Variants in TRHDE observed in about 807,000 individuals in gnomAD.
TRHDE encodes the protein thyrotropin releasing hormone degrading enzyme, also known as thyrotropin-releasing hormone-degrading ectoenzyme.
A neutral mutation model predicts 125.7 loss-of-function variants in TRHDE; 72 were observed. The ratio of observed to expected loss-of-function variants is 0.57; its 90% CI spans 0.47 to 0.70. The LOEUF (loss-of-function observed/expected upper bound fraction) is 0.70. Ranked by LOEUF, TRHDE falls within the 30% of genes least tolerant of loss-of-function variation. TRHDE has a pLI of 0.00. For missense variants in TRHDE, 1,110 were observed against 1,327.1 expected (o/e 0.84, Z 2.54); for synonymous variants, 509 against 509.1 (o/e 1.00, Z 0.00).
chr12:72,619,868 T>C (rs1872971772), intron 13 of TRHDE, among the ~76,000 whole-genome samples: 1 of 152,118 alleles, frequency 6.6e-6, no homozygotes, highest in South Asian at 2.1e-4. Flanking sequence ...AAAAGTGGAT[T>C]CCTGTGACAT....
At position 72,273,244 on chromosome 12, in the gene TRHDE, G is replaced by C. The variant is rs1879327767; in HGVS notation, c.601G>C (p.Ala201Pro). 6.2e-7 allele frequency: 1 copy of C among 1,613,908 alleles called. No homozygotes were observed. Among genetic ancestry groups the C allele is most frequent in the Non-Finnish European group, 8.5e-7 (1 of 1,179,994 alleles). The change falls in exon 1 of 19, where the codon GCC (alanine) becomes CCC (proline). Residue 201 changes from alanine to proline, a missense_variant. By Grantham distance (27) the Ala-to-Pro change is conservative. Around this residue, in one of 5 missense-constraint regions of TRHDE, gnomAD observed 72 missense variants for 122.2 expected, o/e 0.59. Transcript: ENST00000261180. The surrounding 1 kb of genome is among the most constrained non-coding windows in gnomAD (Gnocchi z 5.3). ...KPLHYNLMLTAFMENFTFSGE... is the reference protein window; with the variant it reads ...KPLHYNLMLTPFMENFTFSGE... ...GCTGCACTACAATCTGATGCTCACC[G>C]CCTTCATGGAGAACTTCACCTTCTC...
At chr12:72,300,822 G>A (rs969187624) in intron 2 of TRHDE, among the ~76,000 whole-genome samples, 3 of 151,990 alleles carry the variant, frequency 2.0e-5, no homozygotes, top group Admixed American at 6.6e-5. Context: ...AAAATCAATA[G>A]GTTTTGATGA....
At chr12:72,590,423 G>T (rs915255525) in intron 12 of TRHDE, among the ~76,000 whole-genome samples, 1 of 151,966 alleles carries the variant, frequency 6.6e-6, no homozygotes, top group African/African-American at 2.4e-5. Context: ...ATAAACTGAT[G>T]AGAGAATGGT....
chr12:72,588,965 C>T (rs190784729), intron 12 of TRHDE, among the ~76,000 whole-genome samples: 4 of 152,296 alleles, frequency 2.6e-5, no homozygotes, highest in African/African-American at 4.8e-5. Context: ...ACCATCAGAT[C>T]TCCTGAGAAC....
At chr12:72,154,322 C>A (rs556480812) in intron 2 of TRHDE, among the ~76,000 whole-genome samples, 2 of 152,322 alleles carry the variant, frequency 1.3e-5, no homozygotes, top group African/African-American at 4.8e-5. Flanking sequence ...CTGAATACAG[C>A]ACACTGATGG....
intron 3 of TRHDE, among the ~76,000 whole-genome samples, chr12:72,437,068 C>G (rs778743558): frequency 6.6e-6 from 1 of 151,960 alleles, no homozygotes; most frequent in East Asian, 1.9e-4. Flanking sequence ...AGACTGAGCA[C>G]AATTTTTGCT....
intron 18 of TRHDE, among the ~76,000 whole-genome samples, chr12:72,661,817 TTA>T (rs1874929695): frequency 1.3e-5 from 2 of 152,174 alleles, no homozygotes; most frequent in Non-Finnish European, 2.9e-5. Context: ...TAAGTCTTTG[TTA>T]TACATTGGCT....
At chr12:72,346,865 A>G (rs1329672049) in intron 2 of TRHDE, among the ~76,000 whole-genome samples, 1 of 152,064 alleles carries the variant, frequency 6.6e-6, no homozygotes, top group Non-Finnish European at 1.5e-5. Flanking sequence ...TAGAAATCCT[A>G]GGTTAAGGTG....
intron 2 of TRHDE, among the ~76,000 whole-genome samples, chr12:72,188,548 GGAGA>G (rs1407069383): frequency 2.0e-5 from 3 of 152,162 alleles, no homozygotes; most frequent in Non-Finnish European, 4.4e-5. Flanking sequence ...TACATTAATG[GGAGA>G]GAGTGGCCGG....
intron 2 of TRHDE, among the ~76,000 whole-genome samples, chr12:72,241,321 C>A (rs928972064): frequency 3.3e-5 from 5 of 152,178 alleles, no homozygotes; most frequent in African/African-American, 1.2e-4. Context: ...CCCTTTATCC[C>A]TAACTCCTGG....
intron 12 of TRHDE, among the ~76,000 whole-genome samples, chr12:72,609,422 T>TTA (rs1235518514): frequency 5.9e-5 from 9 of 152,178 alleles, no homozygotes; most frequent in African/African-American, 2.2e-4. Context: ...ATTTTTTGAG[T>TTA]ACTGATTTTA....
At chr12:72,639,000 G>A (rs942781919) in intron 15 of TRHDE, among the ~76,000 whole-genome samples, 6 of 150,808 alleles carry the variant, frequency 4.0e-5, no homozygotes, top group Middle Eastern at 3.4e-3. Flanking sequence ...TGCTCTTCTC[G>A]AGGAGTATCT....
chr12:72,456,115 TATA>T (rs1352841456), intron 3 of TRHDE, among the ~76,000 whole-genome samples: 1 of 144,124 alleles, frequency 6.9e-6, no homozygotes, highest in Non-Finnish European at 1.5e-5. Context: ...ATTATATAAA[TATA>T]ATATGTAATT....
At chr12:72,449,473 T>G (rs1018618949) in intron 3 of TRHDE, among the ~76,000 whole-genome samples, 3 of 151,300 alleles carry the variant, frequency 2.0e-5, no homozygotes, top group Non-Finnish European at 4.4e-5. Context: ...CTCTACTATT[T>G]TTTTTCCTTC....
chr12:72,438,901 A>T (rs931789180), intron 3 of TRHDE, among the ~76,000 whole-genome samples: 2 of 151,804 alleles, frequency 1.3e-5, no homozygotes, highest in Admixed American at 1.3e-4. Flanking sequence ...CGTAGTTTTG[A>T]ACCTTATGTG....
intron 1 of TRHDE, among the ~76,000 whole-genome samples, chr12:72,090,754 C>G (rs1874771592): frequency 6.6e-6 from 1 of 151,942 alleles, no homozygotes; most frequent in Admixed American, 6.6e-5. Context: ...AGAAAAGATA[C>G]AAAGAAAAAT....
At chr12:72,099,588 C>T (rs1875020300) in intron 1 of TRHDE, among the ~76,000 whole-genome samples, 1 of 152,112 alleles carries the variant, frequency 6.6e-6, no homozygotes, top group Non-Finnish European at 1.5e-5. Flanking sequence ...CGATGAATGC[C>T]AGCCTTCATA....
chr12:72,501,986 C>A (rs1878175743), intron 6 of TRHDE, among the ~76,000 whole-genome samples: 1 of 151,996 alleles, frequency 6.6e-6, no homozygotes, highest in Admixed American at 6.6e-5. Context: ...CCCTTATTAT[C>A]CCTTTAATAA....
chr12:72,481,118 A>C (rs1877148186), intron 5 of TRHDE, among the ~76,000 whole-genome samples: 1 of 152,086 alleles, frequency 6.6e-6, no homozygotes, highest in African/African-American at 2.4e-5. Context: ...TAATTTTCTA[A>C]TTATTAATCA....
Sources: gnomAD v4.1 joint callset for allele counts (sites outside exome capture counted in the v4.1 genomes callset) on GRCh38, gnomAD v4.1.1 for gene constraint, gnomAD v4.1.1 regional missense constraint, Gnocchi (gnomAD v3.1) non-coding constraint, MANE v1.5 for transcripts, NCBI Gene and HGNC (gene_info 2026-07-23, HGNC 2026-07-21) for gene names.